The following OLR1 variants were observed in gnomAD, a reference collection of about 807,000 sequenced individuals.
OLR1 encodes the protein oxidized low density lipoprotein receptor 1.
OLR1 carries 23 observed loss-of-function variants against 31.7 expected under a neutral mutation model. That is an observed-to-expected ratio of 0.72 (90% CI 0.52 to 1.03). The LOEUF (loss-of-function observed/expected upper bound fraction) is 1.03, where lower values mean the gene tolerates loss of function less well. OLR1 is among the 50% of genes least tolerant of loss of function. OLR1 has a pLI of 0.00. For missense variants in OLR1, 286 were observed against 315.7 expected, an observed-to-expected ratio of 0.91 and a Z score of 0.71; for synonymous variants, 117 against 115.8, an observed-to-expected ratio of 1.01 and a Z score of -0.07.
upstream of OLR1, among the ~76,000 whole-genome samples, chr12:10,174,048 TTTTGTTTGTTTG>T (rs35635554): frequency 2.7e-5 from 4 of 150,402 alleles, no homozygotes; most frequent in East Asian, 2.0e-4. Flanking sequence ...ATTTCATGTG[TTTTGTTTGTTTG>T]TTTGTTTGTT....
intron 1 of OLR1, among the ~76,000 whole-genome samples, chr12:10,169,643 CA>C (rs559916081): frequency 2.0e-3 from 306 of 152,274 alleles, no homozygotes; most frequent in Non-Finnish European, 2.9e-3. Flanking sequence ...ATCAAGCAAA[CA>C]AGCTTTCTTC....
intron 3 of OLR1, among the ~76,000 whole-genome samples, chr12:10,164,189 C>A (rs1948642635): frequency 6.6e-6 from 1 of 152,132 alleles, no homozygotes; most frequent in Non-Finnish European, 1.5e-5. Context: ...TGATATAAAC[C>A]ATTGGTTAGT....
intron 1 of OLR1, among the ~76,000 whole-genome samples, chr12:10,170,140 AC>A (rs1948698909): frequency 6.6e-6 from 1 of 152,256 alleles, no homozygotes; most frequent in African/African-American, 2.4e-5. Flanking sequence ...TAGCTACATG[AC>A]TTGAAATATT....
chr12:10,161,583 A>G (rs1201592742), intron 3 of OLR1, among the ~76,000 whole-genome samples: 1 of 152,070 alleles, frequency 6.6e-6, no homozygotes, highest in Non-Finnish European at 1.5e-5. Flanking sequence ...AAAACAAATT[A>G]TTTTAATTGA....
upstream of OLR1, among the ~76,000 whole-genome samples, chr12:10,172,932 TA>T (rs1279439962): frequency 6.6e-6 from 1 of 152,188 alleles, no homozygotes. Flanking sequence ...TAAGCTTTTT[TA>T]CACTAGGTTT....
chr12:10,172,792 TGGAAATTAG>T (rs1437744021), upstream of OLR1, among the ~76,000 whole-genome samples: 2 of 152,232 alleles, frequency 1.3e-5, no homozygotes, highest in Admixed American at 6.5e-5. Context: ...TGTCTTTGTC[TGGAAATTAG>T]GGATAATGTC....
At chr12:10,173,636 G>A (rs112698392), upstream of OLR1, among the ~76,000 whole-genome samples, 239 of 151,810 alleles carry the variant, frequency 1.6e-3, 1 homozygote, top group African/African-American at 5.0e-3. Flanking sequence ...ACAAAAGTTA[G>A]CTGGGCCTGG....
At chr12:10,174,048 T>TTTTGTTTG (rs35635554), upstream of OLR1, among the ~76,000 whole-genome samples, 377 of 150,512 alleles carry the variant, frequency 2.5e-3, no homozygotes, top group African/African-American at 4.3e-3. Context: ...ATTTCATGTG[T>TTTTGTTTG]TTTGTTTGTT....
upstream of OLR1, chr12:10,172,350 T>C: frequency 3.1e-6 from 1 of 321,598 alleles, no homozygotes; most frequent in East Asian, 5.7e-5. Context: ...GAAAACTATT[T>C]TTCATGAGCA....
intron 3 of OLR1, among the ~76,000 whole-genome samples, chr12:10,166,263 C>T (rs1948660820): frequency 3.3e-5 from 5 of 151,842 alleles, no homozygotes; most frequent in Admixed American, 3.3e-4. Flanking sequence ...AGCGGTGGCT[C>T]ATGCCTGTAA....
upstream of OLR1, among the ~76,000 whole-genome samples, chr12:10,175,701 A>C (rs368994454): frequency 4.6e-5 from 7 of 152,208 alleles, no homozygotes; most frequent in African/African-American, 1.7e-4. Context: ...ACACTTCCCA[A>C]GGGATCTCCC....
At chr12:10,169,039 C>T in intron 2 of OLR1, 35 bp downstream of exon 2, 1 of 1,442,450 alleles carries the variant, frequency 6.9e-7, no homozygotes, top group Non-Finnish European at 9.6e-7. Flanking sequence ...ACACCCCTGC[C>T]CCAATAAACA....
In OLR1 at chr12:10,159,747, T is replaced by C; in HGVS notation, c.*133A>G. The C allele has an allele frequency of 2.4e-6, 2 of 819,264 alleles. No individual in the cohort carries two copies. Among genetic ancestry groups the C allele is most frequent in the Non-Finnish European group, 3.6e-6 (2 of 553,154 alleles). The allele number at this position is 819,264 out of a possible 1,614,324, so 50.7% of individuals were successfully genotyped here. ...GCCAGGCTCCTGGAACCCCAGTTTC[T>C]GCAAAGGAGTTCTGCAGCCAGCTAA... is the stretch of plus-strand genomic sequence containing the variant. On this transcript the variant is annotated 3_prime_UTR_variant, in exon 6 of 6. Coordinates refer to ENST00000309539, the MANE Select transcript of OLR1 (RefSeq NM_002543.4).
upstream of OLR1, chr12:10,175,470 G>A (rs543118767): frequency 3.9e-5 from 6 of 152,250 alleles, no homozygotes; most frequent in South Asian, 1.0e-3. Flanking sequence ...CCACACTTCT[G>A]ACTCACAGAT....
rs1388126264 is a variant in OLR1 at position 10,159,952 on chromosome 12, A to G, written c.750T>C (p.Ala250=). 6.2e-7 allele frequency: 1 copy of G among 1,614,130 alleles called. No individual in the cohort carries two copies. Among genetic ancestry groups the G allele is most frequent in the Admixed American group, 1.7e-5 (1 of 60,024 alleles). ...CTAAAATGCAGTTTTCCGCATAAAC[A>G]GCTCCTCGTTGTATATATGCACAGG... ...SGTCAYIQRG[A]VYAENCILAA... is the part of the protein sequence containing the mutation. Residue 250 remains alanine, a synonymous_variant, in exon 6 of 6, where the codon GCT becomes GCC. Coordinates refer to ENST00000309539, the MANE Select transcript of OLR1 (RefSeq NM_002543.4).
At chr12:10,165,574 T>G (rs1489037598) in intron 3 of OLR1, among the ~76,000 whole-genome samples, 2 of 150,744 alleles carry the variant, frequency 1.3e-5, no homozygotes, top group African/African-American at 2.4e-5. Flanking sequence ...TAAAATGCAT[T>G]GGAATGGAAA....
In OLR1 at chr12:10,160,944, C is replaced by A; in HGVS notation, c.425-19G>T. The stretch of plus-strand genomic sequence containing the variant: ...CAAGGAGCTGGGAAGGATAGTATAT[C>A]TCATCAGTCAGTTATGTTTGTGTAA... On this transcript the variant is annotated intron_variant, in intron 3 of 5. Transcript: ENST00000309539. The A allele has an allele frequency of 6.2e-7, 1 of 1,609,744 alleles. No individual in the cohort carries two copies. Among genetic ancestry groups the A allele is most frequent in the Non-Finnish European group, 8.5e-7 (1 of 1,176,462 alleles).
intron 3 of OLR1, among the ~76,000 whole-genome samples, chr12:10,162,882 G>A (rs904233114): frequency 2.6e-5 from 4 of 152,178 alleles, no homozygotes; most frequent in Admixed American, 6.5e-5. Flanking sequence ...GACAGTCTGG[G>A]CAAGTTTTCC....
chr12:10,166,706 C>T lies in OLR1; in HGVS notation c.424+6G>A. ...TATGTCTCCTTACCCACCCTTCTCC[C>T]AATACCTGAACAATTTGCTACTCTC... On this transcript the variant is annotated splice_donor_region_variant and intron_variant, in intron 3 of 5. Transcript: ENST00000309539. The T allele has an allele frequency of 1.2e-6, 2 of 1,613,996 alleles. No individual in the cohort carries two copies. Among genetic ancestry groups the T allele is most frequent in the Non-Finnish European group, 1.7e-6 (2 of 1,179,966 alleles).
Sources: gnomAD v4.1 joint callset for allele counts (sites outside exome capture counted in the v4.1 genomes callset) on GRCh38, gnomAD v4.1.1 for gene constraint, MANE v1.5 for transcripts, NCBI Gene and HGNC (gene_info 2026-07-23, HGNC 2026-07-21) for gene names.